INSR: variants seen among roughly 807,000 people sequenced by gnomAD.
INSR encodes insulin receptor, also known as IR.
INSR carries 67 observed loss-of-function variants against 142.6 expected under a neutral mutation model. The ratio of observed to expected loss-of-function variants is 0.47; its 90% CI spans 0.39 to 0.58. The LOEUF is 0.58. INSR is among the 20% of genes least tolerant of loss of function. The pLI is 0.00. For missense variants in INSR, 1,248 were observed against 1,833.2 expected, an observed-to-expected ratio of 0.68 and a Z score of 5.83; for synonymous variants, 756 against 743.1, an observed-to-expected ratio of 1.02 and a Z score of -0.28.
chr19:7,174,869 G>T, intron 3 of INSR, 138 bp from the exon 4 acceptor site: 1 of 898,092 alleles, frequency 1.1e-6, no homozygotes, highest in Non-Finnish European at 1.7e-6. Flanking sequence ...GTGTGACAGA[G>T]TCTCGCTCTG....
chr19:7,190,629 C>T (rs1974556886), intron 2 of INSR, among the ~76,000 whole-genome samples: 1 of 152,128 alleles, frequency 6.6e-6, no homozygotes, highest in African/African-American at 2.4e-5. Context: ...CTTGGCCTCC[C>T]AAAGTGCTGG....
At chr19:7,143,352 A>T (rs1476929822) in intron 11 of INSR, among the ~76,000 whole-genome samples, 1 of 152,170 alleles carries the variant, frequency 6.6e-6, no homozygotes, top group Admixed American at 6.5e-5. Context: ...TGGTAGACAC[A>T]CACCGATATT....
intron 2 of INSR, among the ~76,000 whole-genome samples, chr19:7,248,055 T>G (rs556545603): frequency 2.0e-5 from 3 of 152,178 alleles, no homozygotes; most frequent in Admixed American, 6.6e-5. Context: ...TTCCAGAACT[T>G]TGGGAAGCCA....
chr19:7,290,501 G>A (rs1170737387), intron 1 of INSR, among the ~76,000 whole-genome samples: 1 of 151,708 alleles, frequency 6.6e-6, no homozygotes, highest in Non-Finnish European at 1.5e-5. Context: ...GGCCCGGAGT[G>A]ATGGCTCACA....
rs544933418 is a variant in INSR at position 7,294,352 on chromosome 19, C to A, written c.-461G>T. Among the ~76,000 whole-genome samples the A allele has an allele frequency of 3.5e-3, 531 of 151,610 alleles. 3 individuals carry two copies. The highest frequency in any genetic ancestry group is 0.027 in the Middle Eastern group (8 of 292). ...GGCGGGAGAGAGGGCTGCTCGGGCCCGTAAACAACGCGGCCCGTCAGCTGG... is the reference window on the plus strand; with the variant it reads ...GGCGGGAGAGAGGGCTGCTCGGGCCAGTAAACAACGCGGCCCGTCAGCTGG... On this transcript the variant is annotated 5_prime_UTR_variant, in exon 1 of 22. Coordinates refer to ENST00000302850, the MANE Select transcript of INSR (RefSeq NM_000208.4).
Position 7,267,486 on chromosome 19 carries a change from A to G in INSR, c.511T>C (p.Tyr171His), listed in dbSNP as rs1051692. 6.2e-7 allele frequency: 1 copy of G among 1,614,094 alleles called. No individual in the cohort carries two copies. The highest frequency in any genetic ancestry group is 8.5e-7 in the Non-Finnish European group (1 of 1,180,022). Residue 171 changes from tyrosine to histidine, a missense_variant, in exon 2 of 22, where the codon TAC (tyrosine) becomes CAC (histidine). This residue lies in a region of INSR where 1,069 missense variants were observed against 1,654.0 expected (regional missense o/e 0.65). Coordinates refer to ENST00000302850, the MANE Select transcript of INSR (RefSeq NM_000208.4). The surrounding 1 kb of genome is among the most constrained non-coding windows in gnomAD (Gnocchi z 6.3). ...TTGTCATCTTTGTTCAACACGATGTAATTATCCTCCACGGAATCCAGGATA... is the reference window on the plus strand; with the variant it reads ...TTGTCATCTTTGTTCAACACGATGTGATTATCCTCCACGGAATCCAGGATA... ...SRILDSVEDN[Y>H]IVLNKDDNEE... is the part of the protein sequence containing the mutation.
intron 20 of INSR, among the ~76,000 whole-genome samples, chr19:7,120,415 T>C (rs1353470966): frequency 6.6e-6 from 1 of 152,202 alleles, no homozygotes; most frequent in African/African-American, 2.4e-5. Flanking sequence ...AACTGAGACC[T>C]GTCTCAGATT....
At chr19:7,240,450 T>C (rs1301462648) in intron 2 of INSR, among the ~76,000 whole-genome samples, 2 of 152,076 alleles carry the variant, frequency 1.3e-5, no homozygotes, top group Non-Finnish European at 2.9e-5. Flanking sequence ...GGCGTGGTGG[T>C]GCACACCTGT....
rs907016681 is a variant in INSR, at chr19:7,167,746, G to A, written c.1610+222C>T. On this transcript the variant is annotated intron_variant, in intron 7 of 21. Transcript: ENST00000302850. ...AACTGGCCAGTCCGGGCTTCTATGG[G>A]AAAGCTGTCTGCTTCCATTTTAGGC... 2.0e-5 allele frequency among the ~76,000 whole-genome samples: 3 copies of A among 152,150 alleles called. No homozygotes were observed. The South Asian group carries it at 6.2e-4, about 31-fold the overall frequency.
chr19:7,119,338 T>C lies in INSR; in HGVS notation c.3794+111A>G. 8.0e-7 allele frequency: 1 copy of C among 1,245,976 alleles called. No homozygotes were observed. Among genetic ancestry groups the C allele is most frequent in the South Asian group, 1.2e-5 (1 of 82,906 alleles). The allele number at this position is 1,245,976 out of a possible 1,614,324, so 77.2% of individuals were successfully genotyped here. A position where few individuals can be genotyped will look rare whatever the true frequency, so the allele number is the denominator to read the frequency against. On this transcript the variant is annotated intron_variant, in intron 21 of 21. Transcript: ENST00000302850. The surrounding 1 kb of genome is among the most constrained non-coding windows in gnomAD (Gnocchi z 5.2). Reference sequence around the variant, plus strand: ...ACAAACACACCTGTAACATACAGCATGCAAACACGGTGAGCGTGTAGACAT... The same window carrying C: ...ACAAACACACCTGTAACATACAGCACGCAAACACGGTGAGCGTGTAGACAT...
chr19:7,267,212 C>G lies in INSR; in HGVS notation c.652+133G>C. On this transcript the variant is annotated intron_variant, in intron 2 of 21. Transcript: ENST00000302850. This position sits in a 1 kb window ranked among gnomAD's most constrained non-coding sequence, Gnocchi z 6.3. ...CAGAAAATGTCTGCCACTCCCTGGG[C>G]TAGTGAATGCCACCACCCACTATTC... The G allele has an allele frequency of 1.1e-6, 1 of 890,838 alleles. No individual in the cohort carries two copies. 55.2% of individuals were successfully genotyped at this position (890,838 alleles called of 1,614,324 possible). A position where few individuals can be genotyped will look rare whatever the true frequency, so the allele number is the denominator to read the frequency against.
intron 2 of INSR, among the ~76,000 whole-genome samples, chr19:7,188,180 G>A (rs542277994): frequency 7.2e-5 from 11 of 152,152 alleles, no homozygotes; most frequent in African/African-American, 1.4e-4. Flanking sequence ...AGCAGAAGTC[G>A]CCCTTCCTGC....
chr19:7,265,496 T>A (rs1967695101), intron 2 of INSR, among the ~76,000 whole-genome samples: 1 of 152,020 alleles, frequency 6.6e-6, no homozygotes, highest in African/African-American at 2.4e-5. Context: ...ATCCCAACAC[T>A]TTGGGAGGCC....
intron 1 of INSR, among the ~76,000 whole-genome samples, chr19:7,270,933 G>A (rs1342847159): frequency 2.0e-5 from 3 of 151,752 alleles, no homozygotes; most frequent in African/African-American, 7.3e-5. Flanking sequence ...GTGGTGGCGG[G>A]CACCCGTAGT....
At chr19:7,184,278 C>T in intron 3 of INSR, 38 bp downstream of exon 3, 1 of 1,586,192 alleles carries the variant, frequency 6.3e-7, no homozygotes, top group Non-Finnish European at 8.6e-7. Context: ...CGTTCCTTCT[C>T]CTCTCGGCTG....
Position 7,117,112 on chromosome 19 carries a change from T to C in INSR, c.4093A>G (p.Asn1365Asp), listed in dbSNP as rs769141654. 1 of 1,614,084 alleles carries C rather than the reference T, an allele frequency of 6.2e-7. No homozygotes were observed. The highest frequency in any genetic ancestry group is 2.2e-5 in the East Asian group (1 of 44,884). Residue 1365 changes from asparagine to aspartate, a missense_variant, in exon 22 of 22, where the codon AAC becomes GAC. By Grantham distance (23) the Asn-to-Asp change is conservative. Coordinates refer to ENST00000302850, the MANE Select transcript of INSR (RefSeq NM_000208.4). The part of the protein sequence containing the change: ...YEEHIPYTHM[N>D]GGKKNGRILT... ...ATCCGCCCGTTTTTCTTGCCTCCGT[T>C]CATGTGTGTGTAAGGGATGTGTTCC...
In INSR at chr19:7,232,805, G is replaced by A. The variant is rs551323621; in HGVS notation, c.652+34540C>T. ...AGCCTGGGCAACAGTGCAAGACTCC[G>A]TCTCAAAAAAAAAAAATTTCAGTTG... On this transcript the variant is annotated intron_variant, in intron 2 of 21. Coordinates refer to ENST00000302850, the MANE Select transcript of INSR (RefSeq NM_000208.4). Among the ~76,000 whole-genome samples, 474 of 151,142 alleles carry A rather than the reference G, an allele frequency of 3.1e-3. 4 individuals carry two copies. The highest frequency in any genetic ancestry group is 0.011 in the African/African-American group (455 of 41,236).
intron 2 of INSR, among the ~76,000 whole-genome samples, chr19:7,223,810 A>G (rs961184053): frequency 6.6e-6 from 1 of 152,130 alleles, no homozygotes; most frequent in African/African-American, 2.4e-5. Context: ...CAATAACTCT[A>G]TACAGCTGGT....
At chr19:7,126,689 T>C (rs1307947919) in intron 15 of INSR, 38 bp from the exon 16 acceptor site, 1 of 1,537,834 alleles carries the variant, frequency 6.5e-7, no homozygotes, top group Non-Finnish European at 8.8e-7. Flanking sequence ...CTTGAGATTC[T>C]CATGGGACTC....
Sources: allele counts gnomAD v4.1 joint callset (sites outside exome capture counted in the v4.1 genomes callset), GRCh38; gene constraint gnomAD v4.1.1; regional missense constraint gnomAD v4.1.1; non-coding constraint Gnocchi (gnomAD v3.1); transcripts MANE v1.5; gene names NCBI Gene and HGNC (gene_info 2026-07-23, HGNC 2026-07-21).